Variants in TRIM13 observed in about 807,000 individuals in gnomAD.
TRIM13 encodes tripartite motif containing 13.
TRIM13 carries 15 observed loss-of-function variants against 27.1 expected under a neutral mutation model. The ratio of observed to expected loss-of-function variants is 0.55; its 90% CI spans 0.37 to 0.85. TRIM13 has a LOEUF of 0.85. Among genes scored for constraint, TRIM13 ranks in the 40% least tolerant of loss-of-function variants. The pLI is 0.00. For synonymous variants in TRIM13, 193 were observed against 171.5 expected, an observed-to-expected ratio of 1.13 and a Z score of -0.98; for missense variants, 402 against 472.2, an observed-to-expected ratio of 0.85 and a Z score of 1.38.
chr13:50,013,291 T>C lies in TRIM13; in HGVS notation c.*127T>C, dbSNP rs1875900514. ...AAAAGTATTCCTTCCAAAAATAATCTATACATGTTCAAATTAGGTAGCATA... is the reference window on the plus strand; with the variant it reads ...AAAAGTATTCCTTCCAAAAATAATCCATACATGTTCAAATTAGGTAGCATA... On this transcript the variant is annotated 3_prime_UTR_variant, in exon 2 of 2. Coordinates refer to ENST00000378182, the MANE Select transcript of TRIM13 (RefSeq NM_213590.3). 1 of 993,024 alleles carries C rather than the reference T, an allele frequency of 1.0e-6. No homozygotes were observed. Among genetic ancestry groups the C allele is most frequent in the Non-Finnish European group, 1.4e-6 (1 of 698,598 alleles). 61.5% of individuals were successfully genotyped at this position (993,024 alleles called of 1,614,324 possible).
In TRIM13 at chr13:50,012,304, G is replaced by A. The variant is rs1157837417; in HGVS notation, c.364G>A (p.Glu122Lys). Residue 122 changes from glutamate to lysine, a missense_variant, in exon 2 of 2, where the codon GAG (glutamate) becomes AAG (lysine). This residue lies in a region of TRIM13 where 202 missense variants were observed against 277.5 expected (regional missense o/e 0.73). Transcript: ENST00000378182. ...TTGTGGGATCTGTGCTACTCGTGGGGAGCACACCAAACATGTCTTCTGTTC... is the reference window on the plus strand; with the variant it reads ...TTGTGGGATCTGTGCTACTCGTGGGAAGCACACCAAACATGTCTTCTGTTC... ...LICGICATRG[E>K]HTKHVFCSIE... is the part of the protein sequence containing the mutation. 3 of 1,614,050 alleles carry A rather than the reference G, an allele frequency of 1.9e-6. No homozygotes were observed. Among genetic ancestry groups the A allele is most frequent in the East Asian group, 2.2e-5 (1 of 44,894 alleles).
Position 50,013,203 on chromosome 13 carries a change from T to C in TRIM13, c.*39T>C. 1 of 1,507,806 alleles carries C rather than the reference T, an allele frequency of 6.6e-7. No individual in the cohort carries two copies. Among genetic ancestry groups the C allele is most frequent in the Non-Finnish European group, 8.9e-7 (1 of 1,129,794 alleles). 93.4% of individuals were successfully genotyped at this position (1,507,806 alleles called of 1,614,324 possible). A position where few individuals can be genotyped will look rare whatever the true frequency, so the allele number is the denominator to read the frequency against. Reference sequence around the variant, plus strand: ...TATGCAGTTTTCTTTTGTTAGAAATTGTTAGAGAATAGAGAGTGGTAATTC... The same window carrying C: ...TATGCAGTTTTCTTTTGTTAGAAATCGTTAGAGAATAGAGAGTGGTAATTC... On this transcript the variant is annotated 3_prime_UTR_variant, in exon 2 of 2. Transcript: ENST00000378182.
intron 1 of TRIM13, among the ~76,000 whole-genome samples, chr13:50,007,722 C>T (rs1342298803): frequency 2.1e-5 from 3 of 146,066 alleles, no homozygotes; most frequent in Non-Finnish European, 4.5e-5. Context: ...GCGGAGGTTG[C>T]AGTGAGCCAA....
intron 1 of TRIM13, among the ~76,000 whole-genome samples, chr13:50,008,727 T>G (rs1436450912): frequency 3.9e-5 from 6 of 152,024 alleles, no homozygotes; most frequent in African/African-American, 1.5e-4. Flanking sequence ...TAGGACACTT[T>G]TACACTCTTA....
chr13:50,007,151 C>A (rs990149139), intron 1 of TRIM13, among the ~76,000 whole-genome samples: 2 of 150,246 alleles, frequency 1.3e-5, no homozygotes, highest in African/African-American at 2.5e-5. Flanking sequence ...CCACTGCACT[C>A]CAGCCTGGGT....
chr13:50,000,959 A>G (rs1594556422), intron 1 of TRIM13: 1 of 152,178 alleles, frequency 6.6e-6, no homozygotes, highest in Non-Finnish European at 1.5e-5. Flanking sequence ...ACTTACTTTT[A>G]TGTGTCTTTT....
Position 50,017,345 on chromosome 13 carries a change from G to A in TRIM13, c.*4181G>A, listed in dbSNP as rs1876734559. On this transcript the variant is annotated 3_prime_UTR_variant, in exon 2 of 2. Coordinates refer to ENST00000378182, the MANE Select transcript of TRIM13 (RefSeq NM_213590.3). ...TCAAAAGAAGATGTCCTGGAAATACGAAGTACTCTTTAAAAACCATGCATT... is the reference window on the plus strand; with the variant it reads ...TCAAAAGAAGATGTCCTGGAAATACAAAGTACTCTTTAAAAACCATGCATT... The A allele has an allele frequency of 1.2e-5, 2 of 167,012 alleles. No individual in the cohort carries two copies. Among genetic ancestry groups the A allele is most frequent in the South Asian group, 2.1e-4 (1 of 4,836 alleles). 10.3% of individuals were successfully genotyped at this position (167,012 alleles called of 1,614,324 possible). A position where few individuals can be genotyped will look rare whatever the true frequency, so the allele number is the denominator to read the frequency against.
intron 1 of TRIM13, among the ~76,000 whole-genome samples, chr13:50,011,204 G>A (rs940687028): frequency 4.6e-5 from 7 of 152,138 alleles, no homozygotes; most frequent in Admixed American, 3.9e-4. Flanking sequence ...TAACATCTTA[G>A]TGTCATTACG....
rs891091057 is a variant in TRIM13 at position 50,013,961 on chromosome 13, A to G, written c.*797A>G. On this transcript the variant is annotated 3_prime_UTR_variant, in exon 2 of 2. Transcript: ENST00000378182. ...ACTAAAGGTATTGAAGGTACTAATT[A>G]ATTAGATTTCCAAAATTTTCTACAG... The G allele has an allele frequency of 1.8e-5, 3 of 166,742 alleles. No homozygotes were observed. Among genetic ancestry groups the G allele is most frequent in the Non-Finnish European group, 4.4e-5 (3 of 68,048 alleles). 10.3% of individuals were successfully genotyped at this position (166,742 alleles called of 1,614,324 possible).
chr13:50,010,062 TTC>T (rs1875409005), intron 1 of TRIM13, among the ~76,000 whole-genome samples: 1 of 146,502 alleles, frequency 6.8e-6, no homozygotes, highest in East Asian at 1.9e-4. Context: ...TTTTTTTTTT[TTC>T]CTGAGGCAAG....
Position 50,012,515 on chromosome 13 carries a change from C to G in TRIM13, c.575C>G (p.Thr192Arg). 6.2e-7 allele frequency: 1 copy of G among 1,614,044 alleles called. No individual in the cohort carries two copies. Among genetic ancestry groups the G allele is most frequent in the Non-Finnish European group, 8.5e-7 (1 of 1,179,972 alleles). ...VKEFFEKLQH[T>R]LDQKKNEILS... ...GAATTTTTTGAGAAGTTACAACACA[C>G]ACTGGATCAAAAGAAGAATGAAATT... is the stretch of plus-strand genomic sequence containing the variant. Residue 192 changes from threonine (T) to arginine (R), a missense_variant, in exon 2 of 2, where the codon ACA becomes AGA. Physicochemically the swap from Thr to Arg is moderately conservative, Grantham distance 71. Coordinates refer to ENST00000378182, the MANE Select transcript of TRIM13 (RefSeq NM_213590.3).
At chr13:50,011,819 T>G in intron 1 of TRIM13, 116 bp from the exon 2 acceptor site, 10 of 1,262,014 alleles carry the variant, frequency 7.9e-6, no homozygotes, top group Non-Finnish European at 1.1e-5. Flanking sequence ...CTACTTTGTT[T>G]GGCTGGTTAT....
Position 50,015,092 on chromosome 13 carries a change from AAAATATATATATATATATATATAT to A in TRIM13, c.*1930_*1953del, listed in dbSNP as rs1280618687. 70 of 23,420 alleles carry A rather than the reference AAAATATATATATATATATATATAT, an allele frequency of 3.0e-3. 8 individuals carry two copies. Among genetic ancestry groups the A allele is most frequent in the African/African-American group, 0.011 (63 of 5,958 alleles). The allele number at this position is 23,420 out of a possible 1,614,324, so 1.5% of individuals were successfully genotyped here. ...CCCAGTAATAAAAAAAAAAAAAAAAAAAATATATATATATATATATATATATATATATATATATATATATATATA... is the reference window on the plus strand; with the variant it reads ...CCCAGTAATAAAAAAAAAAAAAAAAAATATATATATATATATATATATATA... On this transcript the variant is annotated 3_prime_UTR_variant, in exon 2 of 2. Transcript: ENST00000378182.
Position 50,015,958 on chromosome 13 carries a change from C to G in TRIM13, c.*2794C>G, listed in dbSNP as rs764218311. 3 of 1,613,982 alleles carry G rather than the reference C, an allele frequency of 1.9e-6. No homozygotes were observed. Among genetic ancestry groups the G allele is most frequent in the Non-Finnish European group, 2.5e-6 (3 of 1,179,978 alleles). ...CTTCAGCGCCGACCTGGAATGGTAA[C>G]TTTTTCCCTCCTCAGATGACCTTAC... On this transcript the variant is annotated 3_prime_UTR_variant, in exon 2 of 2. Transcript: ENST00000378182.
chr13:50,001,749 A>G (rs911653531), intron 1 of TRIM13, among the ~76,000 whole-genome samples: 3 of 152,154 alleles, frequency 2.0e-5, no homozygotes, highest in African/African-American at 4.8e-5. Flanking sequence ...TTGATCATAT[A>G]TATGCCAGAG....
In TRIM13 at chr13:50,015,123, A is replaced by T. The variant is rs1212072625; in HGVS notation, c.*1959A>T. The T allele has an allele frequency of 2.7e-4, 26 of 94,560 alleles. 2 individuals are homozygous for T. The highest frequency in any genetic ancestry group is 4.7e-4 in the Non-Finnish European group (22 of 46,852). 5.9% of individuals were successfully genotyped at this position (94,560 alleles called of 1,614,324 possible). ...TATATATATATATATATATATATAT[A>T]TATATATATATATATATATATATAT... On this transcript the variant is annotated 3_prime_UTR_variant, in exon 2 of 2. Coordinates refer to ENST00000378182, the MANE Select transcript of TRIM13 (RefSeq NM_213590.3).
Position 50,015,277 on chromosome 13 carries a change from A to T in TRIM13, c.*2113A>T. The T allele has an allele frequency of 2.3e-6, 1 of 444,274 alleles. No individual in the cohort carries two copies. The highest frequency in any genetic ancestry group is 2.0e-5 in the African/African-American group (1 of 48,978). The allele number at this position is 444,274 out of a possible 1,614,324, so 27.5% of individuals were successfully genotyped here. A position where few individuals can be genotyped will look rare whatever the true frequency, so the allele number is the denominator to read the frequency against. On this transcript the variant is annotated 3_prime_UTR_variant, in exon 2 of 2. Coordinates refer to ENST00000378182, the MANE Select transcript of TRIM13 (RefSeq NM_213590.3). ...TTAGTTCCTCATCTGTTGCTTTTTC[A>T]TTTTGTATACTGCAAGTTCCCAGGC... is the stretch of plus-strand genomic sequence containing the variant.
At position 50,013,373 on chromosome 13, in the gene TRIM13, G is replaced by A; in HGVS notation, c.*209G>A. On this transcript the variant is annotated 3_prime_UTR_variant, in exon 2 of 2. Coordinates refer to ENST00000378182, the MANE Select transcript of TRIM13 (RefSeq NM_213590.3). ...TGAACCTTTTTTTGTTTAAAAGAGT[G>A]CTTTTGAAATAAGCATCCACCCCAA... 1 of 437,216 alleles carries A rather than the reference G, an allele frequency of 2.3e-6. No homozygotes were observed. 27.1% of individuals were successfully genotyped at this position (437,216 alleles called of 1,614,324 possible).
rs879170111 is a variant in TRIM13, at chr13:50,014,360, T to TATATATATATATATATATAC, written c.*1197_*1198insTATATATATATATATATACA. On this transcript the variant is annotated 3_prime_UTR_variant, in exon 2 of 2. Transcript: ENST00000378182. The stretch of plus-strand genomic sequence containing the variant: ...AAAAAAAAAAATATATATATATATA[T>TATATATATATATATATATAC]ACACACACACACACACATATGTACA... The TATATATATATATATATATAC allele has an allele frequency of 3.4e-5, 2 of 58,558 alleles. No individual in the cohort carries two copies. Among genetic ancestry groups the TATATATATATATATATATAC allele is most frequent in the Non-Finnish European group, 6.2e-5 (2 of 32,100 alleles). 3.6% of individuals were successfully genotyped at this position (58,558 alleles called of 1,614,324 possible). A position where few individuals can be genotyped will look rare whatever the true frequency, so the allele number is the denominator to read the frequency against.
Sources: gnomAD v4.1 joint callset for allele counts (sites outside exome capture counted in the v4.1 genomes callset) on GRCh38, gnomAD v4.1.1 for gene constraint, gnomAD v4.1.1 regional missense constraint, MANE v1.5 for transcripts, NCBI Gene and HGNC (gene_info 2026-07-23, HGNC 2026-07-21) for gene names.